The following UTRN variants were observed in gnomAD, a reference collection of about 807,000 sequenced individuals.
The protein encoded by UTRN is utrophin.
A neutral mutation model predicts 463.9 loss-of-function variants in UTRN; 283 were observed. The observed-to-expected ratio is 0.61, with a 90% CI of 0.55 to 0.67. UTRN has a LOEUF of 0.67. UTRN is among the 30% of genes least tolerant of loss of function. The probability of loss-of-function intolerance (pLI) is 0.00; values close to 1 mark genes in which losing one functional copy is unlikely to be tolerated. For synonymous variants in UTRN, 1,442 were observed against 1,431.5 expected, an observed-to-expected ratio of 1.01 and a Z score of -0.17; for missense variants, 3,922 against 4,084.3, an observed-to-expected ratio of 0.96 and a Z score of 1.08.
At chr6:144,795,016 C>T (rs925071596) in intron 63 of UTRN, among the ~76,000 whole-genome samples, 4 of 152,144 alleles carry the variant, frequency 2.6e-5, no homozygotes, top group African/African-American at 9.7e-5. Context: ...TGCTATCCCT[C>T]CCCTAGTCCC....
At chr6:144,351,436 T>C (rs1489643149) in intron 2 of UTRN, among the ~76,000 whole-genome samples, 1 of 152,208 alleles carries the variant, frequency 6.6e-6, no homozygotes, top group Non-Finnish European at 1.5e-5. Flanking sequence ...CTATGTTGGG[T>C]TCATTTAACC....
At chr6:144,590,525 A>G (rs1020267725) in intron 51 of UTRN, among the ~76,000 whole-genome samples, 5 of 152,216 alleles carry the variant, frequency 3.3e-5, no homozygotes, top group African/African-American at 1.2e-4. Context: ...GTTGTTTAAA[A>G]TAAGAAATAT....
chr6:144,573,395 A>C (rs1427781865), intron 50 of UTRN, among the ~76,000 whole-genome samples: 5 of 151,780 alleles, frequency 3.3e-5, no homozygotes, highest in Non-Finnish European at 4.4e-5. Context: ...CTACTAAAAA[A>C]AAAAAATACA....
intron 51 of UTRN, among the ~76,000 whole-genome samples, chr6:144,666,942 A>G (rs1780461436): frequency 6.6e-6 from 1 of 152,132 alleles, no homozygotes; most frequent in African/African-American, 2.4e-5. Context: ...TGGAACCCAA[A>G]TGTCCTGATG....
rs1789550014 is a variant in UTRN, at chr6:144,462,740, T to G, written c.2940T>G (p.Pro980=). 1 of 1,611,862 alleles carries G rather than the reference T, an allele frequency of 6.2e-7. No individual in the cohort carries two copies. Among genetic ancestry groups the G allele is most frequent in the African/African-American group, 1.3e-5 (1 of 74,744 alleles). Residue 980 remains proline (P), a synonymous_variant, in exon 23 of 75, where the codon CCT becomes CCG. Transcript: ENST00000367545. Reference sequence around the variant, plus strand: ...AGGCTCTGGAGAAAAATGTTCATCCTGATGTAGAAAAATTATATAAGCAAG... The same window carrying G: ...AGGCTCTGGAGAAAAATGTTCATCCGGATGTAGAAAAATTATATAAGCAAG... The part of the protein sequence containing the change: ...ETKALEKNVH[P]DVEKLYKQEF...
chr6:144,379,464 G>A (rs558292494), intron 2 of UTRN, among the ~76,000 whole-genome samples: 10 of 152,274 alleles, frequency 6.6e-5, no homozygotes, highest in Non-Finnish European at 1.3e-4. Context: ...GCTGGTTCTC[G>A]GTCGAAGGCC....
rs1406189384 is a variant in UTRN at position 144,490,051 on chromosome 6, C to G, written c.4135-20C>G. On this transcript the variant is annotated intron_variant, in intron 30 of 74. Coordinates refer to ENST00000367545, the MANE Select transcript of UTRN (RefSeq NM_007124.3). ...GTAAAAAAAAAAGGACATCCTCTCC[C>G]CTTTCCAATCTCTTTTTAGAAAATC... The G allele has an allele frequency of 6.2e-7, 1 of 1,603,014 alleles. No individual in the cohort carries two copies. The highest frequency in any genetic ancestry group is 8.5e-7 in the Non-Finnish European group (1 of 1,176,746).
rs559100785 is a variant in UTRN at position 144,637,521 on chromosome 6, G to A, written c.7480-40885G>A. 2.8e-4 allele frequency among the ~76,000 whole-genome samples: 42 copies of A among 151,808 alleles called. No individual in the cohort carries two copies. The South Asian group carries it at 8.3e-3, about 30-fold the overall frequency. On this transcript the variant is annotated intron_variant, in intron 51 of 74. Transcript: ENST00000367545. ...GTAGATACATGTTATAACGTGCAAC[G>A]TCTCCTGCCCTGGGATTCTTCCTAA...
rs770206166 is a variant in UTRN, at chr6:144,510,965, A to C, written c.4786A>C (p.Lys1596Gln). The change falls in exon 35 of 75, where the codon AAG (lysine) becomes CAG (glutamine). Residue 1596 changes from lysine to glutamine, a missense_variant. Lys to Gln is a moderately conservative substitution (Grantham distance 53, BLOSUM62 1). Coordinates refer to ENST00000367545, the MANE Select transcript of UTRN (RefSeq NM_007124.3). ...WAKNVLKDLE[K>Q]RKADLNTITE... ...CTAGAATGTTCTGAAGGATCTGGAA[A>C]AGAGAAAAGCTGATTTAAATACCAT... The C allele has an allele frequency of 6.3e-6, 10 of 1,599,114 alleles. No individual in the cohort carries two copies. The highest frequency in any genetic ancestry group is 7.7e-6 in the Non-Finnish European group (9 of 1,170,712).
chr6:144,659,015 C>T (rs1024408686), intron 51 of UTRN, among the ~76,000 whole-genome samples: 5 of 152,198 alleles, frequency 3.3e-5, no homozygotes, highest in South Asian at 2.1e-4. Flanking sequence ...TGACTTTCAG[C>T]GGCATCAAAG....
intron 23 of UTRN, among the ~76,000 whole-genome samples, chr6:144,470,995 C>T (rs1386165484): frequency 1.4e-5 from 2 of 144,420 alleles, no homozygotes; most frequent in South Asian, 2.3e-4. Flanking sequence ...AGCCTTGGCT[C>T]GGCATCAGAG....
intron 19 of UTRN, among the ~76,000 whole-genome samples, chr6:144,456,206 G>C (rs1272135595): frequency 6.6e-6 from 1 of 152,086 alleles, no homozygotes; most frequent in Non-Finnish European, 1.5e-5. Context: ...AAATTCTTCA[G>C]TAAAACCCAT....
At chr6:144,835,647 C>G in intron 69 of UTRN, 133 bp from the exon 70 acceptor site, 1 of 1,135,264 alleles carries the variant, frequency 8.8e-7, no homozygotes, top group Non-Finnish European at 1.3e-6. Context: ...AAAGGGAGGT[C>G]ATGGAGACAC....
intron 51 of UTRN, among the ~76,000 whole-genome samples, chr6:144,645,672 G>A (rs6909505): frequency 0.017 from 2,584 of 152,306 alleles, 53 homozygotes; most frequent in African/African-American, 0.045. Flanking sequence ...TAAAGGTGAT[G>A]ATCAAGAAGT....
At chr6:144,343,363 A>C (rs1017276107) in intron 2 of UTRN, among the ~76,000 whole-genome samples, 5 of 135,418 alleles carry the variant, frequency 3.7e-5, no homozygotes, top group East Asian at 2.1e-4. Flanking sequence ...GTCTCTACTA[A>C]ACACACACAC....
At chr6:144,749,696 C>A (rs1436071638) in intron 55 of UTRN, among the ~76,000 whole-genome samples, 6 of 152,036 alleles carry the variant, frequency 3.9e-5, no homozygotes, top group African/African-American at 1.4e-4. Flanking sequence ...TAACACCTGA[C>A]CATAAAAAGA....
At chr6:144,620,561 G>T (rs373566037) in intron 51 of UTRN, among the ~76,000 whole-genome samples, 1 of 152,034 alleles carries the variant, frequency 6.6e-6, no homozygotes, top group African/African-American at 2.4e-5. Context: ...ATGAGAAACA[G>T]CATCCAAGAT....
intron 2 of UTRN, among the ~76,000 whole-genome samples, chr6:144,317,526 A>G (rs1775359791): frequency 6.6e-6 from 1 of 151,960 alleles, no homozygotes; most frequent in Non-Finnish European, 1.5e-5. Flanking sequence ...CCTCCTAAAT[A>G]GCTGGGATTA....
chr6:144,506,586 G>GC (rs1474953125), intron 34 of UTRN, among the ~76,000 whole-genome samples: 2 of 152,138 alleles, frequency 1.3e-5, no homozygotes, highest in African/African-American at 4.8e-5. Context: ...TTGAATATTA[G>GC]CCCCCATTCT....
Sources: allele counts gnomAD v4.1 joint callset (sites outside exome capture counted in the v4.1 genomes callset), GRCh38; gene constraint gnomAD v4.1.1; transcripts MANE v1.5; gene names NCBI Gene and HGNC (gene_info 2026-07-23, HGNC 2026-07-21).